Variants in SLC7A14 observed in about 807,000 individuals in gnomAD.
The protein encoded by SLC7A14 is solute carrier family 7 member 14.
Under a neutral mutation model 60.2 loss-of-function variants are expected in SLC7A14, and 37 were observed. That is an observed-to-expected ratio of 0.61 (90% confidence interval 0.47 to 0.81). The LOEUF (loss-of-function observed/expected upper bound fraction) is 0.81. Ranked by LOEUF, SLC7A14 falls within the 30% of genes least tolerant of loss-of-function variation. The pLI, the probability that SLC7A14 is intolerant of heterozygous loss-of-function variation, is 0.00. For missense variants in SLC7A14, 886 were observed against 982.7 expected (o/e 0.90, Z 1.32); for synonymous variants, 399 against 395.8 (o/e 1.01, Z -0.10).
chr3:170,574,332 G>A (rs911677006), intron 1 of SLC7A14, among the ~76,000 whole-genome samples: 1 of 152,144 alleles, frequency 6.6e-6, no homozygotes, highest in Non-Finnish European at 1.5e-5. Flanking sequence ...AAAATACCCT[G>A]CCCCTGAAGC....
intron 2 of SLC7A14, among the ~76,000 whole-genome samples, chr3:170,507,468 G>A (rs1712818477): frequency 6.6e-6 from 1 of 152,148 alleles, no homozygotes; most frequent in African/African-American, 2.4e-5. Flanking sequence ...GTGGAAGCCC[G>A]GAGACTGGGG....
rs921259042 is a variant in SLC7A14 at position 170,519,044 on chromosome 3, GATA to G, written c.304+7586_304+7588del. Among the ~76,000 whole-genome samples, 12 of 152,190 alleles carry G rather than the reference GATA, an allele frequency of 7.9e-5. No homozygotes were observed. In the South Asian group the frequency reaches 2.3e-3, roughly 29 times the overall value. On this transcript the variant is annotated intron_variant, in intron 2 of 7. Coordinates refer to ENST00000231706, the MANE Select transcript of SLC7A14 (RefSeq NM_020949.3). ...ACTGACGCTTTTTTGAGATGAGTTT[GATA>G]ATGATGATAAAGAAAGGGGACAGCA...
In SLC7A14 at chr3:170,528,568, A is replaced by C. The variant is rs369206039; in HGVS notation, c.-152-1480T>G. On this transcript the variant is annotated intron_variant, in intron 1 of 7. Coordinates refer to ENST00000231706, the MANE Select transcript of SLC7A14 (RefSeq NM_020949.3). The stretch of plus-strand genomic sequence containing the variant: ...GCTTCTAAAGGCTTTTCAAACGCTA[A>C]TTAGAAGAATCAGGTGAAATGTGGC... 1.6e-4 allele frequency among the ~76,000 whole-genome samples: 24 copies of C among 152,322 alleles called. No homozygotes were observed. In the South Asian group the frequency reaches 4.8e-3, roughly 30 times the overall value.
chr3:170,517,594 T>G (rs1035282490), intron 2 of SLC7A14, among the ~76,000 whole-genome samples: 1 of 152,096 alleles, frequency 6.6e-6, no homozygotes, highest in Non-Finnish European at 1.5e-5. Context: ...ATAGACTGAG[T>G]CTTTAGAAAT....
intron 1 of SLC7A14, among the ~76,000 whole-genome samples, chr3:170,550,927 T>A (rs1221137654): frequency 6.6e-6 from 1 of 152,190 alleles, no homozygotes; most frequent in Non-Finnish European, 1.5e-5. Context: ...CCTTTTAAAG[T>A]ATATATTTCA....
intron 4 of SLC7A14, among the ~76,000 whole-genome samples, chr3:170,489,557 C>T (rs1712147654): frequency 1.3e-5 from 2 of 152,172 alleles, no homozygotes; most frequent in African/African-American, 2.4e-5. Flanking sequence ...GAAAATTGGG[C>T]TACCATATGT....
chr3:170,572,891 A>T (rs1265067109), intron 1 of SLC7A14, among the ~76,000 whole-genome samples: 1 of 152,196 alleles, frequency 6.6e-6, no homozygotes, highest in Non-Finnish European at 1.5e-5. Flanking sequence ...GTTCCTACTC[A>T]GAATCAGGAT....
chr3:170,582,712 G>C (rs907197736), intron 1 of SLC7A14, among the ~76,000 whole-genome samples: 1 of 152,210 alleles, frequency 6.6e-6, no homozygotes, highest in Non-Finnish European at 1.5e-5. Flanking sequence ...AACAAATGGG[G>C]AGAATATGTT....
At chr3:170,484,205 T>C (rs1711943151) in intron 5 of SLC7A14, among the ~76,000 whole-genome samples, 1 of 152,194 alleles carries the variant, frequency 6.6e-6, no homozygotes, top group Admixed American at 6.5e-5. Flanking sequence ...TAATCAGGAA[T>C]CATTTACTGT....
intron 1 of SLC7A14, among the ~76,000 whole-genome samples, chr3:170,536,649 G>C (rs1453641139): frequency 3.3e-5 from 5 of 152,200 alleles, no homozygotes; most frequent in Non-Finnish European, 7.3e-5. Flanking sequence ...TTTTGTCCCA[G>C]TCCCGTAGGA....
chr3:170,569,767 A>T lies in SLC7A14; in HGVS notation c.-153+16144T>A, dbSNP rs184120589. Among the ~76,000 whole-genome samples, 1,124 of 151,322 alleles carry T rather than the reference A, an allele frequency of 7.4e-3. 17 individuals are homozygous for T. The highest frequency in any genetic ancestry group is 0.026 in the African/African-American group (1,069 of 41,216). On this transcript the variant is annotated intron_variant, in intron 1 of 7. Transcript: ENST00000231706. ...GGTGTATGTGTCCAGGAATTTATCC[A>T]TTTTTTCTAGATTTTCTAGTTTATT...
chr3:170,557,922 G>C (rs1714533476), intron 1 of SLC7A14, among the ~76,000 whole-genome samples: 1 of 152,142 alleles, frequency 6.6e-6, no homozygotes, highest in Non-Finnish European at 1.5e-5. Context: ...AAAAGGCAAG[G>C]AAAGAGATAG....
chr3:170,570,645 T>C (rs1312121675), intron 1 of SLC7A14, among the ~76,000 whole-genome samples: 2 of 152,108 alleles, frequency 1.3e-5, no homozygotes, highest in African/African-American at 4.8e-5. Flanking sequence ...GAGACAACTA[T>C]TTATTTACAT....
chr3:170,571,184 A>G (rs1714945356), intron 1 of SLC7A14, among the ~76,000 whole-genome samples: 1 of 152,180 alleles, frequency 6.6e-6, no homozygotes, highest in Non-Finnish European at 1.5e-5. Flanking sequence ...CAGTTCTCCC[A>G]TTACAGCTTA....
In SLC7A14 at chr3:170,498,753, A is replaced by G; in HGVS notation, c.673T>C (p.Trp225Arg). The change falls in exon 4 of 8, where the codon TGG becomes CGG. Residue 225 changes from tryptophan (W) to arginine (R), a missense_variant. Transcript: ENST00000231706. ...NVLNVLNLAVWVFIMIAGLFF... is the reference protein window; with the variant it reads ...NVLNVLNLAVRVFIMIAGLFF... Reference sequence around the variant, plus strand: ...AGGCCTGCGATCATGATGAACACCCATACTGCCAGGTTCAGCACATTGAGA... The same window carrying G: ...AGGCCTGCGATCATGATGAACACCCGTACTGCCAGGTTCAGCACATTGAGA... 5 of 1,614,208 alleles carry G rather than the reference A, an allele frequency of 3.1e-6. No homozygotes were observed. Among genetic ancestry groups the G allele is most frequent in the Non-Finnish European group, 4.2e-6 (5 of 1,180,040 alleles).
chr3:170,502,905 T>G (rs966729459), intron 2 of SLC7A14: 1 of 152,232 alleles, frequency 6.6e-6, no homozygotes, highest in Admixed American at 6.5e-5. Flanking sequence ...TCAGCATCCT[T>G]GTTTCTAAAA....
intron 1 of SLC7A14, among the ~76,000 whole-genome samples, chr3:170,582,283 C>G (rs1715258747): frequency 3.3e-5 from 5 of 152,070 alleles, no homozygotes; most frequent in Admixed American, 3.3e-4. Context: ...GTGTTTAGTA[C>G]TGTCTAAAGC....
chr3:170,493,380 G>C (rs1712280030), intron 4 of SLC7A14, among the ~76,000 whole-genome samples: 1 of 152,160 alleles, frequency 6.6e-6, no homozygotes, highest in African/African-American at 2.4e-5. Flanking sequence ...GTTAGAGGAT[G>C]GATTGTTCAT....
intron 2 of SLC7A14, among the ~76,000 whole-genome samples, chr3:170,520,452 A>G (rs1033976893): frequency 1.3e-5 from 2 of 152,314 alleles, no homozygotes; most frequent in East Asian, 3.9e-4. Flanking sequence ...ACCCAATAGC[A>G]ATGGGTCCTT....
Sources: gnomAD v4.1 joint callset for allele counts (sites outside exome capture counted in the v4.1 genomes callset) on GRCh38, gnomAD v4.1.1 for gene constraint, MANE v1.5 for transcripts, NCBI Gene and HGNC (gene_info 2026-07-23, HGNC 2026-07-21) for gene names.